The following PTPRO variants were observed in gnomAD, a reference collection of about 807,000 sequenced individuals.
PTPRO encodes receptor-type tyrosine-protein phosphatase O.
PTPRO carries 62 observed loss-of-function variants against 145.2 expected under a neutral mutation model. The ratio of observed to expected loss-of-function variants is 0.43; its 90% confidence interval spans 0.35 to 0.53. The LOEUF (loss-of-function observed/expected upper bound fraction) is 0.53. Ranked by LOEUF, PTPRO falls within the 20% of genes least tolerant of loss-of-function variation. PTPRO has a pLI of 0.01. For synonymous variants in PTPRO, 565 were observed against 514.7 expected (o/e 1.10, Z -1.32); for missense variants, 1,345 against 1,482.7 (o/e 0.91, Z 1.53).
chr12:15,544,645 A>G (rs1943245967), intron 12 of PTPRO, among the ~76,000 whole-genome samples: 1 of 152,192 alleles, frequency 6.6e-6, no homozygotes, highest in African/African-American at 2.4e-5. Flanking sequence ...TTTAAAAAAG[A>G]AAAGCCTAGG....
intron 1 of PTPRO, among the ~76,000 whole-genome samples, chr12:15,403,509 G>T (rs1939559818): frequency 6.6e-6 from 1 of 152,186 alleles, no homozygotes; most frequent in South Asian, 2.1e-4. Context: ...CGTGAACCCG[G>T]CAGGCGGAGG....
At chr12:15,557,005 G>A (rs1209403547) in intron 15 of PTPRO, among the ~76,000 whole-genome samples, 1 of 151,222 alleles carries the variant, frequency 6.6e-6, no homozygotes, top group Non-Finnish European at 1.5e-5. Flanking sequence ...GGGAACATAT[G>A]GAACTTCTAT....
chr12:15,502,510 G>C (rs934803748), intron 5 of PTPRO, among the ~76,000 whole-genome samples: 1 of 152,164 alleles, frequency 6.6e-6, no homozygotes, highest in Non-Finnish European at 1.5e-5. Context: ...AGAATATGAG[G>C]CATGTGTCCT....
chr12:15,410,298 T>G (rs1939763744), intron 1 of PTPRO: 1 of 152,212 alleles, frequency 6.6e-6, no homozygotes, highest in Non-Finnish European at 1.5e-5. Context: ...GTGAGGATGT[T>G]TCCAGGAGAG....
intron 1 of PTPRO, among the ~76,000 whole-genome samples, chr12:15,393,406 A>G (rs923047340): frequency 6.6e-6 from 1 of 152,154 alleles, no homozygotes; most frequent in Non-Finnish European, 1.5e-5. Context: ...TCTCAGGCCC[A>G]ATATTGAATA....
At chr12:15,454,081 T>C (rs1469641730) in intron 1 of PTPRO, among the ~76,000 whole-genome samples, 1 of 152,218 alleles carries the variant, frequency 6.6e-6, no homozygotes, top group Non-Finnish European at 1.5e-5. Flanking sequence ...TCAATAATTT[T>C]GGATAAATAC....
rs1272316711 is a variant in PTPRO at position 15,366,959 on chromosome 12, G to A, written c.75+44158G>A. On this transcript the variant is annotated intron_variant, in intron 1 of 26. Coordinates refer to ENST00000281171, the MANE Select transcript of PTPRO (RefSeq NM_030667.3). Reference sequence around the variant, plus strand: ...GGTACTCAAGGGAAAAAAATGAAAGGTCACTCATTAGTAACAAAATTTAAT... The same window carrying A: ...GGTACTCAAGGGAAAAAAATGAAAGATCACTCATTAGTAACAAAATTTAAT... 3.3e-5 allele frequency among the ~76,000 whole-genome samples: 5 copies of A among 152,050 alleles called. 1 individual carries two copies. Among genetic ancestry groups the A allele is most frequent in the Admixed American group, 2.6e-4 (4 of 15,250 alleles).
At chr12:15,384,840 T>G (rs1938971157) in intron 1 of PTPRO, among the ~76,000 whole-genome samples, 1 of 152,216 alleles carries the variant, frequency 6.6e-6, no homozygotes, top group African/African-American at 2.4e-5. Flanking sequence ...TTGTGAGTTT[T>G]TCTTGTATAG....
At position 15,594,964 on chromosome 12, in the gene PTPRO, G is replaced by A; in HGVS notation, c.3574G>A (p.Val1192Met). 1 of 1,613,528 alleles carries A rather than the reference G, an allele frequency of 6.2e-7. No individual in the cohort carries two copies. The highest frequency in any genetic ancestry group is 8.5e-7 in the Non-Finnish European group (1 of 1,179,560). ...GCAGTACATTTTTATCCATCAGTGT[G>A]TGCAACTGATGTGGATGAAGAAGAA... ...EEQYIFIHQC[V>M]QLMWMKKKQQ... Residue 1192 changes from valine (V) to methionine (M), a missense_variant, in exon 26 of 27, where the codon GTG becomes ATG. By Grantham distance (21) the Val-to-Met change is conservative (BLOSUM62 1). Transcript: ENST00000281171.
intron 1 of PTPRO, among the ~76,000 whole-genome samples, chr12:15,473,728 C>T (rs1223961175): frequency 7.8e-6 from 1 of 128,938 alleles, no homozygotes; most frequent in Non-Finnish European, 1.5e-5. Flanking sequence ...CACGGTGCCA[C>T]TGTGCTCCAG....
chr12:15,544,671 C>G (rs1943246281), intron 12 of PTPRO, among the ~76,000 whole-genome samples: 1 of 152,100 alleles, frequency 6.6e-6, no homozygotes, highest in Non-Finnish European at 1.5e-5. Context: ...CCTAACTAAT[C>G]ATTCATCTAT....
intron 1 of PTPRO, among the ~76,000 whole-genome samples, chr12:15,472,438 T>C (rs1424791512): frequency 6.6e-6 from 1 of 152,214 alleles, no homozygotes; most frequent in African/African-American, 2.4e-5. Context: ...AGGCGTGTCT[T>C]GGTCTTGGGT....
At chr12:15,375,306 A>G (rs1260370300) in intron 1 of PTPRO, among the ~76,000 whole-genome samples, 1 of 152,224 alleles carries the variant, frequency 6.6e-6, no homozygotes, top group African/African-American at 2.4e-5. Context: ...GAAATTGTCA[A>G]TAGAAAATCT....
At chr12:15,511,706 C>T (rs778384159) in intron 7 of PTPRO, among the ~76,000 whole-genome samples, 1 of 152,168 alleles carries the variant, frequency 6.6e-6, no homozygotes, top group Non-Finnish European at 1.5e-5. Context: ...GCTGGGACTA[C>T]AGGTGCACAC....
At chr12:15,429,354 CAT>C (rs1450917346) in intron 1 of PTPRO, among the ~76,000 whole-genome samples, 3 of 152,122 alleles carry the variant, frequency 2.0e-5, no homozygotes, top group Non-Finnish European at 2.9e-5. Context: ...GAAATTATCA[CAT>C]GTTCTGAGAA....
chr12:15,356,525 G>C (rs992555598), intron 1 of PTPRO, among the ~76,000 whole-genome samples: 1 of 152,148 alleles, frequency 6.6e-6, no homozygotes, highest in Non-Finnish European at 1.5e-5. Context: ...TCTAGGTGTT[G>C]ATACTTATGA....
intron 1 of PTPRO, among the ~76,000 whole-genome samples, chr12:15,442,377 A>G (rs1219643692): frequency 1.3e-5 from 2 of 152,172 alleles, no homozygotes; most frequent in African/African-American, 2.4e-5. Flanking sequence ...TGACAAACCC[A>G]CAGTCAGCAT....
In PTPRO at chr12:15,412,518, C is replaced by T. The variant is rs74069062; in HGVS notation, c.76-71456C>T. Reference sequence around the variant, plus strand: ...CCCTTAATTAACATTTCTGCAACTTCTCATTTTTTTGTCATCCTCTGTATA... The same window carrying T: ...CCCTTAATTAACATTTCTGCAACTTTTCATTTTTTTGTCATCCTCTGTATA... On this transcript the variant is annotated intron_variant, in intron 1 of 26. Coordinates refer to ENST00000281171, the MANE Select transcript of PTPRO (RefSeq NM_030667.3). Among the ~76,000 whole-genome samples the T allele has an allele frequency of 2.4e-3, 361 of 152,300 alleles. 3 individuals are homozygous for T. Among genetic ancestry groups the T allele is most frequent in the African/African-American group, 8.3e-3 (347 of 41,572 alleles).
intron 1 of PTPRO, among the ~76,000 whole-genome samples, chr12:15,390,783 A>G (rs1046195529): frequency 4.6e-5 from 7 of 152,148 alleles, no homozygotes; most frequent in Non-Finnish European, 1.0e-4. Context: ...AGAGGATAAG[A>G]AATGGCCAAT....
Sources: allele counts gnomAD v4.1 joint callset (sites outside exome capture counted in the v4.1 genomes callset), GRCh38; gene constraint gnomAD v4.1.1; transcripts MANE v1.5; gene names NCBI Gene and HGNC (gene_info 2026-07-23, HGNC 2026-07-21).